Variants in NBEA observed in about 807,000 individuals in gnomAD.
NBEA encodes lysosomal-trafficking regulator 2.
A neutral mutation model predicts 343.4 loss-of-function variants in NBEA; 44 were observed. That is an observed-to-expected ratio of 0.13 (90% CI 0.10 to 0.16). The LOEUF is 0.16. NBEA is among the 10% of genes least tolerant of loss of function. NBEA has a pLI of 1.00. For missense variants in NBEA, 2,555 were observed against 3,631.3 expected, an observed-to-expected ratio of 0.70 and a Z score of 7.62; for synonymous variants, 1,175 against 1,238.7, an observed-to-expected ratio of 0.95 and a Z score of 1.08.
intron 34 of NBEA, among the ~76,000 whole-genome samples, chr13:35,289,786 G>T (rs74048981): frequency 0.08 from 12,077 of 151,806 alleles, 529 homozygotes; most frequent in South Asian, 0.12. Context: ...TTGCAATCAG[G>T]TTTTTTTCTT....
intron 41 of NBEA, among the ~76,000 whole-genome samples, chr13:35,497,707 T>C (rs1442676328): frequency 6.6e-6 from 1 of 152,052 alleles, no homozygotes; most frequent in African/African-American, 2.4e-5. Context: ...TTATCTCTTT[T>C]AATGATAGGC....
chr13:35,532,620 G>A (rs2078320140), intron 41 of NBEA, among the ~76,000 whole-genome samples: 1 of 151,950 alleles, frequency 6.6e-6, no homozygotes, highest in Non-Finnish European at 1.5e-5. Context: ...ATCTATATTG[G>A]CACCTTAAAG....
chr13:35,299,777 A>C (rs369895368), intron 35 of NBEA, among the ~76,000 whole-genome samples: 1 of 152,230 alleles, frequency 6.6e-6, no homozygotes, highest in African/African-American at 2.4e-5. Context: ...TTGTAAGATA[A>C]GACTTTAAAA....
At chr13:35,109,536 T>A (rs1231100710) in intron 12 of NBEA, 94 bp downstream of exon 12, 1 of 1,164,268 alleles carries the variant, frequency 8.6e-7, no homozygotes, top group African/African-American at 1.6e-5. Context: ...ATTTGAACAT[T>A]TTAGCTTATT....
chr13:35,391,206 C>G (rs2042483307), intron 38 of NBEA, among the ~76,000 whole-genome samples: 1 of 150,114 alleles, frequency 6.7e-6, no homozygotes, highest in Non-Finnish European at 1.5e-5. Flanking sequence ...ACCCAGGAGG[C>G]AGAGGTTGCA....
chr13:35,290,287 AAG>A, intron 34 of NBEA, 100 bp from the exon 35 acceptor site: 1 of 726,308 alleles, frequency 1.4e-6, no homozygotes, highest in East Asian at 2.9e-5. Context: ...TTCTATTTAA[AAG>A]AAAGTTTTTT....
At chr13:35,474,914 G>C in intron 41 of NBEA, 2 of 1,032,740 alleles carry the variant, frequency 1.9e-6, no homozygotes, top group Non-Finnish European at 2.8e-6. Context: ...TGGGTGAGAT[G>C]ATGTTTAAAT....
chr13:35,108,096 G>A (rs1331521819), intron 11 of NBEA, among the ~76,000 whole-genome samples: 1 of 151,996 alleles, frequency 6.6e-6, no homozygotes, highest in Non-Finnish European at 1.5e-5. Context: ...AGGTAAAATT[G>A]GTAAGACAAT....
chr13:35,236,367 T>C (rs567709668), intron 34 of NBEA, among the ~76,000 whole-genome samples: 7 of 152,332 alleles, frequency 4.6e-5, no homozygotes, highest in Admixed American at 1.3e-4. Context: ...CTATCACATT[T>C]CCTTGTTTTT....
At chr13:35,409,802 G>A (rs1483740434) in intron 38 of NBEA, among the ~76,000 whole-genome samples, 1 of 152,072 alleles carries the variant, frequency 6.6e-6, no homozygotes, top group Non-Finnish European at 1.5e-5. Flanking sequence ...GCTTAACAAA[G>A]TAGTAGCTCA....
chr13:35,491,415 A>G (rs1433609994), intron 41 of NBEA, among the ~76,000 whole-genome samples: 1 of 151,890 alleles, frequency 6.6e-6, no homozygotes, highest in Non-Finnish European at 1.5e-5. Flanking sequence ...ATCATCTCAC[A>G]TATATAAGAT....
At chr13:35,056,542 A>G (rs2063268863) in intron 7 of NBEA, among the ~76,000 whole-genome samples, 1 of 152,106 alleles carries the variant, frequency 6.6e-6, no homozygotes, top group African/African-American at 2.4e-5. Context: ...AAGTAGGTGT[A>G]GGGAAGGGAG....
intron 1 of NBEA, among the ~76,000 whole-genome samples, chr13:35,026,101 TG>T (rs1044725995): frequency 6.6e-6 from 1 of 152,122 alleles, no homozygotes; most frequent in Non-Finnish European, 1.5e-5. Flanking sequence ...TCCTCCATGC[TG>T]TTCTCATGAT....
At chr13:34,963,483 C>G (rs1289226924) in intron 1 of NBEA, among the ~76,000 whole-genome samples, 1 of 152,002 alleles carries the variant, frequency 6.6e-6, no homozygotes, top group Admixed American at 6.6e-5. Flanking sequence ...GAAGTCCTCA[C>G]CTTTAGCATA....
chr13:35,527,498 G>C (rs1172013373), intron 41 of NBEA, among the ~76,000 whole-genome samples: 1 of 152,176 alleles, frequency 6.6e-6, no homozygotes, highest in Non-Finnish European at 1.5e-5. Context: ...GTTGCCTTCA[G>C]CTACCCCCAG....
chr13:35,654,413 G>A (rs889397652), intron 53 of NBEA, among the ~76,000 whole-genome samples: 21 of 152,066 alleles, frequency 1.4e-4, no homozygotes, highest in Non-Finnish European at 2.6e-4. Flanking sequence ...TTTTTCACAG[G>A]AATTATAAAT....
intron 1 of NBEA, among the ~76,000 whole-genome samples, chr13:34,984,935 T>G (rs997843122): frequency 6.6e-6 from 1 of 151,058 alleles, no homozygotes; most frequent in Non-Finnish European, 1.5e-5. Flanking sequence ...AAGGAGATTT[T>G]GGGCTGAGAT....
intron 38 of NBEA, among the ~76,000 whole-genome samples, chr13:35,392,411 T>C (rs1370249572): frequency 6.6e-6 from 1 of 151,910 alleles, no homozygotes; most frequent in Non-Finnish European, 1.5e-5. Flanking sequence ...AATTTTGTAA[T>C]ATGCCTATAG....
At chr13:35,053,068 G>A (rs1380506785) in intron 6 of NBEA, among the ~76,000 whole-genome samples, 4 of 151,924 alleles carry the variant, frequency 2.6e-5, no homozygotes, top group African/African-American at 4.8e-5. Flanking sequence ...CGCAGCTTAT[G>A]GTGTCTTACC....
Sources: allele counts gnomAD v4.1 joint callset (sites outside exome capture counted in the v4.1 genomes callset), GRCh38; gene constraint gnomAD v4.1.1; transcripts MANE v1.5; gene names NCBI Gene and HGNC (gene_info 2026-07-23, HGNC 2026-07-21).